Variants in QTGAL observed in about 807,000 individuals in gnomAD.
QTGAL encodes BGnT-like protein 1.
chr17:83,050,110 C>T, the QTGAL span, among the ~76,000 whole-genome samples: 3 of 152,180 alleles, frequency 2.0e-5, no homozygotes, highest in Non-Finnish European at 4.4e-5. Context: ...GTAGCTCACG[C>T]CTGTAATCAC....
At chr17:82,993,618 G>A in the QTGAL span, among the ~76,000 whole-genome samples, 3 of 152,172 alleles carry the variant, frequency 2.0e-5, no homozygotes, top group African/African-American at 7.2e-5. Flanking sequence ...CTTAATCTGT[G>A]CTACAGACCA....
chr17:82,985,882 T>C, the QTGAL span, among the ~76,000 whole-genome samples: 2 of 152,136 alleles, frequency 1.3e-5, no homozygotes, highest in East Asian at 3.9e-4. Flanking sequence ...CATCGTGTAT[T>C]CCAGGAAAGT....
the QTGAL span, chr17:83,005,102 C>A: frequency 6.3e-7 from 1 of 1,591,358 alleles, no homozygotes; most frequent in Non-Finnish European, 8.6e-7. The surrounding 1 kb of genome is among the most constrained non-coding windows in gnomAD (Gnocchi z 5.6). Context: ...AGACAAGGCG[C>A]CAGGCGAGGT....
the QTGAL span, among the ~76,000 whole-genome samples, chr17:83,012,352 G>C: frequency 6.6e-6 from 1 of 152,218 alleles, no homozygotes; most frequent in Non-Finnish European, 1.5e-5. Context: ...CTCCATTAAT[G>C]AAGCCAATCT....
At chr17:83,013,066 C>T in the QTGAL span, among the ~76,000 whole-genome samples, 1 of 152,176 alleles carries the variant, frequency 6.6e-6, no homozygotes, top group East Asian at 1.9e-4. Flanking sequence ...GTGGTTGCTA[C>T]GGAGAAACAT....
At chr17:83,027,699 C>CAAA in the QTGAL span, among the ~76,000 whole-genome samples, 288 of 31,270 alleles carry the variant, frequency 9.2e-3, 14 homozygotes, top group African/African-American at 0.02. Flanking sequence ...GAGACGCTCT[C>CAAA]AAAAAAAAAA....
the QTGAL span, chr17:83,049,039 G>C: frequency 4.4e-6 from 2 of 451,552 alleles, no homozygotes; most frequent in Admixed American, 7.7e-5. Context: ...GGATTACAAG[G>C]TCAGGAGATT....
At chr17:83,005,071 G>C in the QTGAL span, 3 of 1,505,848 alleles carry the variant, frequency 2.0e-6, no homozygotes, top group Non-Finnish European at 1.8e-6. This position sits in a 1 kb window ranked among gnomAD's most constrained non-coding sequence, Gnocchi z 5.6. Context: ...GGCGCCCAGA[G>C]GCGACCTGTG....
chr17:83,031,552 C>G, the QTGAL span, among the ~76,000 whole-genome samples: 2 of 152,268 alleles, frequency 1.3e-5, no homozygotes, highest in Non-Finnish European at 2.9e-5. Flanking sequence ...ACCCCTCTGC[C>G]CCTTAGGAAC....
At chr17:82,992,521 T>C in the QTGAL span, among the ~76,000 whole-genome samples, 1 of 152,112 alleles carries the variant, frequency 6.6e-6, no homozygotes, top group African/African-American at 2.4e-5. Context: ...AAACAAAAGC[T>C]GAGGGATATT....
At chr17:82,973,047 G>A in the QTGAL span, among the ~76,000 whole-genome samples, 2 of 152,232 alleles carry the variant, frequency 1.3e-5, no homozygotes, top group African/African-American at 4.8e-5. Flanking sequence ...TGATGCCTTC[G>A]TGTGCTCCCG....
chr17:83,006,224 T>TAA, the QTGAL span: 1 of 985,584 alleles, frequency 1.0e-6, no homozygotes, highest in Admixed American at 6.1e-5. The surrounding 1 kb of genome is among the most constrained non-coding windows in gnomAD (Gnocchi z 5.8). Context: ...GTCTCCTAAC[T>TAA]CTGAAGCGAT....
the QTGAL span, among the ~76,000 whole-genome samples, chr17:83,001,422 G>A: frequency 0.012 from 1,883 of 152,206 alleles, 40 homozygotes; most frequent in African/African-American, 0.043. Flanking sequence ...CAGAAACTGT[G>A]AAGAAAAAAG....
At chr17:83,039,067 AATG>A in the QTGAL span, among the ~76,000 whole-genome samples, 2 of 152,204 alleles carry the variant, frequency 1.3e-5, no homozygotes, top group African/African-American at 4.8e-5. Flanking sequence ...TGATGACAGC[AATG>A]ATGATGACAG....
At chr17:83,002,786 G>C in the QTGAL span, among the ~76,000 whole-genome samples, 45 of 152,208 alleles carry the variant, frequency 3.0e-4, no homozygotes, top group Non-Finnish European at 1.2e-4. Context: ...GAACGTGCTG[G>C]GGGCACACGG....
chr17:82,945,173 G>T, the QTGAL span: 1 of 152,228 alleles, frequency 6.6e-6, no homozygotes, highest in African/African-American at 2.4e-5. Flanking sequence ...GAAGTGAAAT[G>T]AAAAGCTCAA....
the QTGAL span, among the ~76,000 whole-genome samples, chr17:82,959,414 C>G: frequency 6.6e-6 from 1 of 151,444 alleles, no homozygotes; most frequent in South Asian, 2.1e-4. Context: ...TGTATACTTT[C>G]GTGCACGTAT....
the QTGAL span, chr17:82,957,327 C>T: frequency 6.2e-7 from 1 of 1,613,906 alleles, no homozygotes; most frequent in Non-Finnish European, 8.5e-7. Flanking sequence ...GGGGGCAGGG[C>T]AGGCAGTGTT....
chr17:83,039,617 A>G, the QTGAL span, among the ~76,000 whole-genome samples: 1 of 96,596 alleles, frequency 1.0e-5, no homozygotes. Flanking sequence ...TTCTAGACAC[A>G]CTGCTGGGCG....
Sources: gnomAD v4.1 joint callset for allele counts (sites outside exome capture counted in the v4.1 genomes callset) on GRCh38, gnomAD v4.1.1 for gene constraint, Gnocchi (gnomAD v3.1) non-coding constraint, MANE v1.5 for transcripts, NCBI Gene and HGNC (gene_info 2026-07-23, HGNC 2026-07-21) for gene names.